The following ELFN1 variants were observed in gnomAD, a reference collection of about 807,000 sequenced individuals.
ELFN1 encodes protein ELFN1.
ELFN1 carries 6 observed loss-of-function variants against 7.6 expected under a neutral mutation model. That is an observed-to-expected ratio of 0.79 (90% confidence interval 0.43 to 1.56). The LOEUF is 1.56. Ranked by LOEUF, ELFN1 falls within the 40% of genes most tolerant of loss-of-function variation. ELFN1 has a pLI of 0.01. For missense variants in ELFN1, 1,169 were observed against 1,232.2 expected, an observed-to-expected ratio of 0.95 and a Z score of 0.77; for synonymous variants, 657 against 588.1, an observed-to-expected ratio of 1.12 and a Z score of -1.70.
At chr7:1,675,055 G>A (rs1396773846) in intron 1 of ELFN1, among the ~76,000 whole-genome samples, 3 of 152,220 alleles carry the variant, frequency 2.0e-5, no homozygotes, top group Admixed American at 1.3e-4. Context: ...GGGCTCAGCT[G>A]GGAGAGTGCC....
In ELFN1 at chr7:1,673,483, C is replaced by T. The variant is rs568309606; in HGVS notation, c.-549+3129C>T. Among the ~76,000 whole-genome samples the T allele has an allele frequency of 6.6e-6, 1 of 152,004 alleles. No individual in the cohort carries two copies. Among genetic ancestry groups the T allele is most frequent in the Admixed American group, 6.5e-5 (1 of 15,276 alleles). ...ATGGGCACTCGAGCCCAGCACCGTGCCCCCCCTCCCCGCCCCCTGCCCCGG... is the reference window on the plus strand; with the variant it reads ...ATGGGCACTCGAGCCCAGCACCGTGTCCCCCCTCCCCGCCCCCTGCCCCGG... On this transcript the variant is annotated intron_variant, in intron 1 of 3. Coordinates refer to ENST00000424383, the MANE Select transcript of ELFN1 (RefSeq NM_001128636.4). The surrounding 1 kb of genome is among the most constrained non-coding windows in gnomAD (Gnocchi z 4.7).
intron 2 of ELFN1, chr7:1,694,163 A>C (rs1779247151): frequency 4.6e-6 from 1 of 219,642 alleles, no homozygotes; most frequent in South Asian, 7.5e-5. Context: ...GGCCCCTCAC[A>C]CTCCACCATG....
chr7:1,705,606 C>T lies in ELFN1; in HGVS notation c.-455-3485C>T, dbSNP rs371481346. On this transcript the variant is annotated intron_variant, in intron 2 of 3. Coordinates refer to ENST00000424383, the MANE Select transcript of ELFN1 (RefSeq NM_001128636.4). This position sits in a 1 kb window ranked among gnomAD's most constrained non-coding sequence, Gnocchi z 4.3. ...CACCATGCACCTGTGTGATCAGCCACTCGGAGCCTCAATTTACCCTCGCCT... is the reference window on the plus strand; with the variant it reads ...CACCATGCACCTGTGTGATCAGCCATTCGGAGCCTCAATTTACCCTCGCCT... 7.2e-5 allele frequency among the ~76,000 whole-genome samples: 11 copies of T among 152,362 alleles called. No individual in the cohort carries two copies. In the South Asian group the frequency reaches 8.3e-4, roughly 11 times the overall value.
In ELFN1 at chr7:1,705,279, A is replaced by G. The variant is rs1446077141; in HGVS notation, c.-455-3812A>G. Among the ~76,000 whole-genome samples the G allele has an allele frequency of 6.6e-6, 1 of 152,202 alleles. No homozygotes were observed. Among genetic ancestry groups the G allele is most frequent in the Non-Finnish European group, 1.5e-5 (1 of 68,010 alleles). On this transcript the variant is annotated intron_variant, in intron 2 of 3. Coordinates refer to ENST00000424383, the MANE Select transcript of ELFN1 (RefSeq NM_001128636.4). The surrounding 1 kb of genome is among the most constrained non-coding windows in gnomAD (Gnocchi z 4.3). ...AGGCGCCCCTCCTCCCCACCTCGCT[A>G]AACAATCATTGCACAAAATATGCAA...
At chr7:1,720,039 G>T (rs1235820251) in intron 3 of ELFN1, among the ~76,000 whole-genome samples, 1 of 148,506 alleles carries the variant, frequency 6.7e-6, no homozygotes, top group Non-Finnish European at 1.5e-5. Flanking sequence ...CCAGCCACCC[G>T]GCATTCCGTG....
chr7:1,718,861 G>A (rs571924447), intron 3 of ELFN1, among the ~76,000 whole-genome samples: 143 of 152,278 alleles, frequency 9.4e-4, no homozygotes, highest in African/African-American at 3.3e-3. Context: ...TCCTATCCTG[G>A]ACAGAAGGGT....
intron 3 of ELFN1, among the ~76,000 whole-genome samples, chr7:1,718,407 G>C (rs1200116885): frequency 6.6e-6 from 1 of 152,160 alleles, no homozygotes; most frequent in African/African-American, 2.4e-5. Flanking sequence ...ACCCTCAGCG[G>C]GCCTGACTGG....
At chr7:1,730,616 A>G (rs1780307136) in intron 3 of ELFN1, among the ~76,000 whole-genome samples, 1 of 152,252 alleles carries the variant, frequency 6.6e-6, no homozygotes, top group Admixed American at 6.5e-5. Flanking sequence ...ATTTGATAAA[A>G]TCCAGTGCCA....
At chr7:1,711,271 G>C (rs1779644075) in intron 3 of ELFN1, among the ~76,000 whole-genome samples, 1 of 152,206 alleles carries the variant, frequency 6.6e-6, no homozygotes, top group African/African-American at 2.4e-5. Flanking sequence ...TGTTCCATGT[G>C]GGTCTGTCGG....
chr7:1,691,262 C>T (rs762535975), intron 2 of ELFN1, among the ~76,000 whole-genome samples: 1 of 152,180 alleles, frequency 6.6e-6, no homozygotes, highest in Non-Finnish European at 1.5e-5. Flanking sequence ...ACACTGATCC[C>T]AGCAGACAGG....
chr7:1,687,339 C>A (rs1354115738), intron 1 of ELFN1, among the ~76,000 whole-genome samples: 1 of 151,336 alleles, frequency 6.6e-6, no homozygotes, highest in Non-Finnish European at 1.5e-5. Flanking sequence ...AGAATTCCCA[C>A]CCTGTGGTAT....
rs1303395387 is a variant in ELFN1 at position 1,745,565 on chromosome 7, G to A, written c.969G>A (p.Gln323=). 2 of 1,550,260 alleles carry A rather than the reference G, an allele frequency of 1.3e-6. No individual in the cohort carries two copies. The highest frequency in any genetic ancestry group is 3.9e-5 in the Admixed American group (2 of 51,010). Residue 323 remains glutamine (Q), a synonymous_variant, in exon 4 of 4, where the codon CAG becomes CAA. Coordinates refer to ENST00000424383, the MANE Select transcript of ELFN1 (RefSeq NM_001128636.4). ...AEARPLIKVK[Q]LTQNSATITV... is the part of the protein sequence containing the mutation. ...CCCGCCCCCTCATCAAGGTCAAGCA[G>A]CTCACTCAGAACTCGGCCACCATCA...
chr7:1,735,309 G>A lies in ELFN1; in HGVS notation c.-293-8995G>A, dbSNP rs1780415658. ...CCATGAGTCGTGTGGATGGCCCAAG[G>A]TCACATGGTAAGGTCGTCAGGCACT... is the stretch of plus-strand genomic sequence containing the variant. On this transcript the variant is annotated intron_variant, in intron 3 of 3. Transcript: ENST00000424383. This position sits in a 1 kb window ranked among gnomAD's most constrained non-coding sequence, Gnocchi z 5.9. Among the ~76,000 whole-genome samples, 1 of 152,082 alleles carries A rather than the reference G, an allele frequency of 6.6e-6. No individual in the cohort carries two copies. The highest frequency in any genetic ancestry group is 2.4e-5 in the African/African-American group (1 of 41,412).
chr7:1,693,180 G>C, intron 2 of ELFN1: 1 of 369,176 alleles, frequency 2.7e-6, no homozygotes, highest in South Asian at 2.0e-5. Context: ...GGTTCCGCTG[G>C]GGTCCTGGTA....
At chr7:1,716,724 ACTCCCCCAGC>A (rs1699132716) in intron 3 of ELFN1, among the ~76,000 whole-genome samples, 1 of 151,920 alleles carries the variant, frequency 6.6e-6, no homozygotes, top group South Asian at 2.1e-4. Flanking sequence ...CTGCAGCCGC[ACTCCCCCAGC>A]CTCACCCGGG....
chr7:1,727,207 G>T lies in ELFN1; in HGVS notation c.-293-17097G>T, dbSNP rs979159878. On this transcript the variant is annotated intron_variant, in intron 3 of 3. Transcript: ENST00000424383. ...GAATGAAGAATGAATGAGCACACGA[G>T]GGGGGTGGAGATGGTGAGTGTGAGT... Among the ~76,000 whole-genome samples, 35 of 152,342 alleles carry T rather than the reference G, an allele frequency of 2.3e-4. 1 individual carries two copies. Among genetic ancestry groups the T allele is most frequent in the Non-Finnish European group, 8.8e-5 (6 of 68,036 alleles).
Position 1,718,435 on chromosome 7 carries a change from T to C in ELFN1, c.-294+9183T>C, listed in dbSNP as rs139926962. On this transcript the variant is annotated intron_variant, in intron 3 of 3. Coordinates refer to ENST00000424383, the MANE Select transcript of ELFN1 (RefSeq NM_001128636.4). ...CTGACTGGAGAATGGGAAGTAGCAT[T>C]GGGGGTGACTGACCTATCCACAGGC... is the stretch of plus-strand genomic sequence containing the variant. Among the ~76,000 whole-genome samples, 795 of 152,176 alleles carry C rather than the reference T, an allele frequency of 5.2e-3. 6 individuals carry two copies. The highest frequency in any genetic ancestry group is 0.014 in the Middle Eastern group (4 of 294).
chr7:1,728,827 G>T (rs746221893), intron 3 of ELFN1, among the ~76,000 whole-genome samples: 8 of 152,178 alleles, frequency 5.3e-5, no homozygotes, highest in Non-Finnish European at 1.0e-4. Context: ...CGGGGAAGGG[G>T]AGTTTCACAC....
upstream of ELFN1, among the ~76,000 whole-genome samples, chr7:1,667,783 G>A (rs1249591336): frequency 6.6e-6 from 1 of 152,180 alleles, no homozygotes; most frequent in Admixed American, 6.5e-5. This position sits in a 1 kb window ranked among gnomAD's most constrained non-coding sequence, Gnocchi z 8.2. Context: ...CCGGTTCTGG[G>A]TCTGGGGGAG....
Sources: gnomAD v4.1 joint callset for allele counts (sites outside exome capture counted in the v4.1 genomes callset) on GRCh38, gnomAD v4.1.1 for gene constraint, Gnocchi (gnomAD v3.1) non-coding constraint, MANE v1.5 for transcripts, NCBI Gene and HGNC (gene_info 2026-07-23, HGNC 2026-07-21) for gene names.